CAST: variants seen among roughly 807,000 people sequenced by gnomAD.
CAST encodes the protein calpastatin, also known as MIR583 host.
A neutral mutation model predicts 119.6 loss-of-function variants in CAST; 76 were observed. That is an observed-to-expected ratio of 0.64 (90% CI 0.53 to 0.77). The LOEUF (loss-of-function observed/expected upper bound fraction) is 0.77, where lower values mean the gene tolerates loss of function less well. CAST is among the 30% of genes least tolerant of loss of function. The probability of loss-of-function intolerance (pLI) is 0.00; values close to 1 mark genes in which losing one functional copy is unlikely to be tolerated. For missense variants in CAST, 953 were observed against 946.5 expected, an observed-to-expected ratio of 1.01 and a Z score of -0.09; for synonymous variants, 319 against 331.6, an observed-to-expected ratio of 0.96 and a Z score of 0.41.
chr5:96,739,627 G>T (rs1337554101), intron 11 of CAST, among the ~76,000 whole-genome samples: 1 of 152,172 alleles, frequency 6.6e-6, no homozygotes, highest in African/African-American at 2.4e-5. Flanking sequence ...AATTAGGTTT[G>T]AGAATGCTAA....
the CAST span, among the ~76,000 whole-genome samples, chr5:96,069,931 C>T: frequency 1.1e-4 from 16 of 152,108 alleles, no homozygotes; most frequent in African/African-American, 3.1e-4. Flanking sequence ...GTGAGAGGAT[C>T]GCTTGAAGCC....
chr5:96,386,436 G>T, the CAST span, among the ~76,000 whole-genome samples: 8 of 152,172 alleles, frequency 5.3e-5, no homozygotes, highest in Non-Finnish European at 1.0e-4. Context: ...GGAAAGGAAG[G>T]TTCACATTGG....
chr5:96,408,468 C>A, the CAST span: 2 of 691,700 alleles, frequency 2.9e-6, no homozygotes, highest in East Asian at 5.4e-5. Flanking sequence ...CTCTAAACCA[C>A]AGGCGGATGT....
At chr5:96,367,685 A>G in the CAST span, among the ~76,000 whole-genome samples, 2 of 152,220 alleles carry the variant, frequency 1.3e-5, no homozygotes, top group Admixed American at 1.3e-4. Context: ...GCACAGTATT[A>G]GGGTGGGAGT....
At chr5:96,305,091 G>A in the CAST span, among the ~76,000 whole-genome samples, 1 of 152,140 alleles carries the variant, frequency 6.6e-6, no homozygotes, top group South Asian at 2.1e-4. Flanking sequence ...AGCATGGAAT[G>A]TTTTTCCATT....
At chr5:96,283,533 A>G in the CAST span, among the ~76,000 whole-genome samples, 1 of 152,200 alleles carries the variant, frequency 6.6e-6, no homozygotes, top group Non-Finnish European at 1.5e-5. Context: ...TTTGATTGGC[A>G]AGTCTCATTC....
At chr5:96,559,700 A>C (rs901140448) in intron 1 of CAST, among the ~76,000 whole-genome samples, 5 of 152,218 alleles carry the variant, frequency 3.3e-5, no homozygotes, top group African/African-American at 1.2e-4. Context: ...CAATGAAATA[A>C]AAGAGGATAC....
the CAST span, among the ~76,000 whole-genome samples, chr5:96,430,338 C>T: frequency 2.0e-5 from 3 of 152,298 alleles, no homozygotes; most frequent in South Asian, 2.1e-4. Context: ...AAACAGTTGA[C>T]AACAGTATAT....
At chr5:96,585,622 C>G (rs1746846252) in intron 1 of CAST, among the ~76,000 whole-genome samples, 1 of 152,182 alleles carries the variant, frequency 6.6e-6, no homozygotes, top group Non-Finnish European at 1.5e-5. Context: ...CTATGATTAA[C>G]TGCACCCAGC....
chr5:96,409,755 A>G, the CAST span, among the ~76,000 whole-genome samples: 1 of 152,226 alleles, frequency 6.6e-6, no homozygotes, highest in East Asian at 1.9e-4. Flanking sequence ...TGTGCCTGCC[A>G]TAAAACCCCT....
chr5:96,272,526 A>C, the CAST span, among the ~76,000 whole-genome samples: 1 of 152,184 alleles, frequency 6.6e-6, no homozygotes, highest in Non-Finnish European at 1.5e-5. Flanking sequence ...GCATGTTCTC[A>C]TTCATATGTG....
the CAST span, among the ~76,000 whole-genome samples, chr5:96,439,000 T>C: frequency 7.2e-5 from 11 of 152,192 alleles, no homozygotes; most frequent in Non-Finnish European, 5.9e-5. Flanking sequence ...GACAGAGAAA[T>C]CGCTTAGTTT....
At chr5:96,237,618 TTATC>T in the CAST span, among the ~76,000 whole-genome samples, 2 of 152,182 alleles carry the variant, frequency 1.3e-5, no homozygotes, top group Non-Finnish European at 2.9e-5. Flanking sequence ...TTTGTCATCA[TTATC>T]TATTCAGTTT....
At chr5:96,025,029 C>T in the CAST span, among the ~76,000 whole-genome samples, 1 of 152,120 alleles carries the variant, frequency 6.6e-6, no homozygotes, top group African/African-American at 2.4e-5. Flanking sequence ...TCTGATTGGG[C>T]CAAAAACCAG....
the CAST span, among the ~76,000 whole-genome samples, chr5:96,355,141 G>A: frequency 2.0e-5 from 3 of 151,834 alleles, no homozygotes; most frequent in South Asian, 4.2e-4. Context: ...TTTAAGCCCC[G>A]CATGCATTAG....
At chr5:96,572,929 G>T (rs1746595134) in intron 1 of CAST, among the ~76,000 whole-genome samples, 1 of 152,194 alleles carries the variant, frequency 6.6e-6, no homozygotes, top group Admixed American at 6.5e-5. Flanking sequence ...AAGACAAAAG[G>T]AAGGAAGGTT....
the CAST span, among the ~76,000 whole-genome samples, chr5:96,172,013 G>C: frequency 6.6e-6 from 1 of 151,940 alleles, no homozygotes; most frequent in African/African-American, 2.4e-5. Context: ...AACAGGCTTT[G>C]TGTGAGCAAT....
At chr5:96,596,582 A>C (rs1162301635) in intron 1 of CAST, among the ~76,000 whole-genome samples, 1 of 152,234 alleles carries the variant, frequency 6.6e-6, no homozygotes, top group Non-Finnish European at 1.5e-5. Flanking sequence ...ACTAAGCTAT[A>C]GAGCTCTTTG....
chr5:96,264,675 A>C, the CAST span, among the ~76,000 whole-genome samples: 1 of 152,148 alleles, frequency 6.6e-6, no homozygotes, highest in African/African-American at 2.4e-5. Context: ...GAATATTCCT[A>C]TTCATCCTGT....
Sources: allele counts gnomAD v4.1 joint callset (sites outside exome capture counted in the v4.1 genomes callset), GRCh38; gene constraint gnomAD v4.1.1; transcripts MANE v1.5; gene names NCBI Gene and HGNC (gene_info 2026-07-23, HGNC 2026-07-21).